The following FBXO15 variants were observed in gnomAD, a reference collection of about 807,000 sequenced individuals.
FBXO15 encodes F-box protein 15, also known as F-box only protein 15.
In FBXO15, 30 loss-of-function variants were observed where a neutral mutation model predicts 49.5. That is an observed-to-expected ratio of 0.61 (90% CI 0.45 to 0.82). The LOEUF (loss-of-function observed/expected upper bound fraction) is 0.82. Among genes scored for constraint, FBXO15 ranks in the 40% least tolerant of loss-of-function variants. The pLI is 0.00. For synonymous variants in FBXO15, 250 were observed against 232.7 expected, an observed-to-expected ratio of 1.07 and a Z score of -0.68; for missense variants, 591 against 631.5, an observed-to-expected ratio of 0.94 and a Z score of 0.69.
chr18:74,144,667 C>T (rs1160306595), intron 1 of FBXO15, among the ~76,000 whole-genome samples: 1 of 152,114 alleles, frequency 6.6e-6, no homozygotes, highest in Non-Finnish European at 1.5e-5. Context: ...TGTCTTTGTC[C>T]TATCATAAAA....
In FBXO15 at chr18:74,073,506, A is replaced by G; in HGVS notation, c.1488T>C (p.Tyr496=). The G allele has an allele frequency of 1.2e-6, 2 of 1,614,204 alleles. No homozygotes were observed. ...AATGGTTGATTTTTGCGATACTAAG[A>G]TAAAGGACCAGGTTGACAATAAGGT... is the stretch of plus-strand genomic sequence containing the variant. ...EEYLIVNLVL[Y]LSIAKINHWF... is the part of the protein sequence containing the mutation. Residue 496 remains tyrosine, a synonymous_variant, in exon 10 of 10, where the codon TAT becomes TAC. Coordinates refer to ENST00000419743, the MANE Select transcript of FBXO15 (RefSeq NM_001142958.2).
rs1015358384 is a variant in FBXO15, at chr18:74,134,872, C to T, written c.332+890G>A. On this transcript the variant is annotated intron_variant, in intron 3 of 9. Transcript: ENST00000419743. ...TGACAGCTCTCATTCTGCCACTCTC[C>T]GTCTCCTTACCTAGCAAACAAAACC... Among the ~76,000 whole-genome samples the T allele has an allele frequency of 5.9e-5, 9 of 152,138 alleles. 1 individual carries two copies. Among genetic ancestry groups the T allele is most frequent in the African/African-American group, 1.7e-4 (7 of 41,412 alleles).
chr18:74,111,144 T>C (rs779947477), intron 8 of FBXO15, among the ~76,000 whole-genome samples: 4 of 150,898 alleles, frequency 2.7e-5, no homozygotes, highest in Non-Finnish European at 4.4e-5. Flanking sequence ...TTTACAAAGA[T>C]AGACCACATT....
chr18:74,121,219 A>G (rs761164764), intron 8 of FBXO15, among the ~76,000 whole-genome samples: 19 of 152,366 alleles, frequency 1.2e-4, no homozygotes, highest in South Asian at 1.0e-3. Flanking sequence ...GATGAATTCT[A>G]CCAAACAAGG....
chr18:74,093,262 A>AT (rs1181614684), intron 8 of FBXO15, among the ~76,000 whole-genome samples: 1 of 19,756 alleles, frequency 5.1e-5, no homozygotes, highest in Non-Finnish European at 1.2e-4. Flanking sequence ...TGGCAAAACA[A>AT]TGGGGGGGGG....
intron 8 of FBXO15, among the ~76,000 whole-genome samples, chr18:74,082,760 A>G (rs1485024388): frequency 6.6e-6 from 1 of 152,194 alleles, no homozygotes; most frequent in African/African-American, 2.4e-5. Flanking sequence ...CACCCTGAGA[A>G]GCGACCATCA....
chr18:74,084,029 C>T lies in FBXO15; in HGVS notation c.1139-1978G>A, dbSNP rs193166665. Among the ~76,000 whole-genome samples the T allele has an allele frequency of 6.6e-5, 10 of 152,284 alleles. No individual in the cohort carries two copies. In the East Asian group the frequency reaches 7.7e-4, roughly 12 times the overall value. On this transcript the variant is annotated intron_variant, in intron 8 of 9. Transcript: ENST00000419743. Reference sequence around the variant, plus strand: ...CGCCCAAGGTCAGATCCCTGGTCAACGGCAGAAACATGATCCAAACCCTGT... The same window carrying T: ...CGCCCAAGGTCAGATCCCTGGTCAATGGCAGAAACATGATCCAAACCCTGT...
At position 74,131,744 on chromosome 18, in the gene FBXO15, T is replaced by C. The variant is rs17800446; in HGVS notation, c.333-1086A>G. Among the ~76,000 whole-genome samples, 232 of 152,320 alleles carry C rather than the reference T, an allele frequency of 1.5e-3. 2 individuals carry two copies. The highest frequency in any genetic ancestry group is 0.014 in the Middle Eastern group (4 of 294). On this transcript the variant is annotated intron_variant, in intron 3 of 9. Coordinates refer to ENST00000419743, the MANE Select transcript of FBXO15 (RefSeq NM_001142958.2). ...GCAAACTTTGCATTTTAAACATTAA[T>C]GATTTGCTCATTTAGGTCTCCACAT...
chr18:74,107,162 ATATATT>A (rs1913803543), intron 8 of FBXO15, among the ~76,000 whole-genome samples: 1 of 151,202 alleles, frequency 6.6e-6, no homozygotes, highest in South Asian at 2.1e-4. Context: ...AAATAATTAA[ATATATT>A]TATGGGGTAC....
intron 4 of FBXO15, 57 bp downstream of exon 4, chr18:74,130,359 T>A: frequency 6.2e-7 from 1 of 1,601,084 alleles, no homozygotes; most frequent in Non-Finnish European, 8.5e-7. Context: ...ACATACGTCC[T>A]ACGTACACGA....
chr18:74,110,862 C>G (rs868392470), intron 8 of FBXO15, among the ~76,000 whole-genome samples: 60 of 152,256 alleles, frequency 3.9e-4, no homozygotes, highest in Middle Eastern at 3.4e-3. Context: ...AATGCCATAA[C>G]AATTCTTAAT....
chr18:74,092,709 C>T (rs927047295), intron 8 of FBXO15, among the ~76,000 whole-genome samples: 3 of 152,160 alleles, frequency 2.0e-5, no homozygotes. Context: ...ATCATGACCC[C>T]AGCTTTGTTC....
Position 74,074,558 on chromosome 18 carries a change from C to T in FBXO15, c.1264-828G>A, listed in dbSNP as rs1029807594. On this transcript the variant is annotated intron_variant, in intron 9 of 9. Transcript: ENST00000419743. This position sits in a 1 kb window ranked among gnomAD's most constrained non-coding sequence, Gnocchi z 4.7. ...AGGCACCCTGTCTTCTAACTGCCAC[C>T]CTTCGTCTTCCAGCTGACTCACTGG... 6.6e-6 allele frequency among the ~76,000 whole-genome samples: 1 copy of T among 152,214 alleles called. No homozygotes were observed. Among genetic ancestry groups the T allele is most frequent in the African/African-American group, 2.4e-5 (1 of 41,446 alleles).
intron 8 of FBXO15, among the ~76,000 whole-genome samples, chr18:74,093,102 C>G (rs936949020): frequency 2.2e-4 from 33 of 152,268 alleles, no homozygotes; most frequent in African/African-American, 7.5e-4. Flanking sequence ...TGCTGTTGTC[C>G]ATGCACATGT....
chr18:74,094,649 G>A (rs936370442), intron 8 of FBXO15, among the ~76,000 whole-genome samples: 14 of 152,230 alleles, frequency 9.2e-5, no homozygotes, highest in African/African-American at 3.4e-4. Context: ...CATCTCGGCT[G>A]TGTTGTCTCA....
chr18:74,130,450 T>C lies in FBXO15; in HGVS notation c.541A>G (p.Thr181Ala), dbSNP rs1312249923. 9 of 1,614,076 alleles carry C rather than the reference T, an allele frequency of 5.6e-6. No individual in the cohort carries two copies. In the African/African-American group the frequency reaches 9.3e-5, roughly 17 times the overall value. Residue 181 changes from threonine to alanine, a missense_variant, in exon 4 of 10, where the codon ACA becomes GCA. Physicochemically the swap from Thr to Ala is moderately conservative, Grantham distance 58 (BLOSUM62 0). Transcript: ENST00000419743. ...ADILKPVNPY[T>A]GLPVKTKEAL... ...TCTTTGGTCTTAACTGGAAGGCCTG[T>C]GTAAGGGTTGACAGGTTTGAGAATG...
At chr18:74,106,404 A>C (rs2145154790) in intron 8 of FBXO15, among the ~76,000 whole-genome samples, 1 of 152,342 alleles carries the variant, frequency 6.6e-6, no homozygotes, top group Non-Finnish European at 1.5e-5. Flanking sequence ...ATGCATATAA[A>C]TCTTATAAAC....
chr18:74,108,007 C>T (rs1184655581), intron 8 of FBXO15, among the ~76,000 whole-genome samples: 2 of 152,110 alleles, frequency 1.3e-5, no homozygotes, highest in African/African-American at 4.8e-5. Flanking sequence ...TCTGGGGTCA[C>T]AGGCTCACTC....
In FBXO15 at chr18:74,139,078, G is replaced by A. The variant is rs546166909; in HGVS notation, c.227+1124C>T. On this transcript the variant is annotated intron_variant, in intron 2 of 9. Coordinates refer to ENST00000419743, the MANE Select transcript of FBXO15 (RefSeq NM_001142958.2). ...ACCACCACACCTCTGGTCTCCCCTC[G>A]CTGGCAAGCTCCTCTCGAAGCTCCT... Among the ~76,000 whole-genome samples the A allele has an allele frequency of 6.5e-4, 99 of 152,146 alleles. 1 individual carries two copies. Among genetic ancestry groups the A allele is most frequent in the African/African-American group, 2.3e-3 (95 of 41,504 alleles).
Sources: gnomAD v4.1 joint callset for allele counts (sites outside exome capture counted in the v4.1 genomes callset) on GRCh38, gnomAD v4.1.1 for gene constraint, Gnocchi (gnomAD v3.1) non-coding constraint, MANE v1.5 for transcripts, NCBI Gene and HGNC (gene_info 2026-07-23, HGNC 2026-07-21) for gene names.